HSPA12A: variants seen among roughly 807,000 people sequenced by gnomAD.
HSPA12A encodes the protein heat shock protein family A (Hsp70) member 12A, also known as heat shock 70 kDa protein 12A.
A neutral mutation model predicts 69.2 loss-of-function variants in HSPA12A; 28 were observed. The ratio of observed to expected loss-of-function variants is 0.40; its 90% CI spans 0.30 to 0.55. The LOEUF (loss-of-function observed/expected upper bound fraction) is 0.55. Among genes scored for constraint, HSPA12A ranks in the 20% least tolerant of loss-of-function variants. The pLI is 0.38. For synonymous variants in HSPA12A, 345 were observed against 370.5 expected (o/e 0.93, Z 0.79); for missense variants, 686 against 900.7 (o/e 0.76, Z 3.05).
intron 5 of HSPA12A, among the ~76,000 whole-genome samples, chr10:116,693,791 G>A (rs782064819): frequency 3.4e-4 from 52 of 151,978 alleles, no homozygotes; most frequent in African/African-American, 1.1e-3. Context: ...TAATAAAAAT[G>A]TTTCATGGTA....
rs73387112 is a variant in HSPA12A at position 116,740,387 on chromosome 10, T to C, written c.40+2043A>G. 3.9e-3 allele frequency among the ~76,000 whole-genome samples: 592 copies of C among 152,302 alleles called. 7 individuals are homozygous for C. The highest frequency in any genetic ancestry group is 0.014 in the African/African-American group (565 of 41,552). ...CCAACTCTGCTCCTATGCAATACTA[T>C]TCACATCCTCCATTTTACAGATAAA... On this transcript the variant is annotated intron_variant, in intron 1 of 11. Coordinates refer to ENST00000369209, the MANE Select transcript of HSPA12A (RefSeq NM_025015.3).
At chr10:116,691,730 C>G (rs1849743478) in intron 6 of HSPA12A, among the ~76,000 whole-genome samples, 1 of 152,238 alleles carries the variant, frequency 6.6e-6, no homozygotes, top group South Asian at 2.1e-4. Flanking sequence ...GATGGGCTGG[C>G]CACTGGCACT....
chr10:116,787,013 C>CACAT (rs1844593005), intron 2 of HSPA12A, among the ~76,000 whole-genome samples: 1 of 151,664 alleles, frequency 6.6e-6, no homozygotes, highest in Non-Finnish European at 1.5e-5. Flanking sequence ...CACACATACA[C>CACAT]ACACGCACGC....
At chr10:116,771,733 C>A (rs1013619419) in intron 2 of HSPA12A, among the ~76,000 whole-genome samples, 3 of 152,276 alleles carry the variant, frequency 2.0e-5, no homozygotes, top group Admixed American at 2.0e-4. Context: ...GTTTCTCTCC[C>A]AAACAAGGGG....
At position 116,695,807 on chromosome 10, in the gene HSPA12A, G is replaced by A. The variant is rs532770945; in HGVS notation, c.546+2828C>T. On this transcript the variant is annotated intron_variant, in intron 5 of 11. Coordinates refer to ENST00000369209, the MANE Select transcript of HSPA12A (RefSeq NM_025015.3). Reference sequence around the variant, plus strand: ...CTCCAGCCTGGCTGGGCAACAGAGCGAGACTCCGTCTCAAAACAAAAACAA... The same window carrying A: ...CTCCAGCCTGGCTGGGCAACAGAGCAAGACTCCGTCTCAAAACAAAAACAA... 1.6e-3 allele frequency among the ~76,000 whole-genome samples: 241 copies of A among 149,022 alleles called. 1 individual carries two copies. Among genetic ancestry groups the A allele is most frequent in the African/African-American group, 5.7e-3 (230 of 40,128 alleles).
At chr10:116,809,372 C>G (rs4752013) in intron 2 of HSPA12A, among the ~76,000 whole-genome samples, 94,437 of 152,084 alleles carry the variant, frequency 0.62, 29,759 homozygotes, top group East Asian at 0.86. Context: ...CGGAGTCAGA[C>G]ACACCTGGAT....
chr10:116,694,213 G>A (rs58116534), intron 5 of HSPA12A, among the ~76,000 whole-genome samples: 5,141 of 152,180 alleles, frequency 0.034, 300 homozygotes, highest in African/African-American at 0.12. Context: ...GCACTGTCAC[G>A]GGCTTTCCTT....
In HSPA12A at chr10:116,678,615, A is replaced by G. The variant is rs1589619626; in HGVS notation, c.1286+888T>C. Among the ~76,000 whole-genome samples the G allele has an allele frequency of 2.6e-5, 4 of 151,864 alleles. No individual in the cohort carries two copies. In the South Asian group the frequency reaches 8.3e-4, roughly 31 times the overall value. ...AAAAAAAAAAAAAAGACAAATGGAA[A>G]AATGTTAATGTTAATTAGATACTTG... On this transcript the variant is annotated intron_variant, in intron 10 of 11. Coordinates refer to ENST00000369209, the MANE Select transcript of HSPA12A (RefSeq NM_025015.3).
intron 1 of HSPA12A, among the ~76,000 whole-genome samples, chr10:116,738,698 A>G (rs1041847202): frequency 6.6e-6 from 1 of 152,162 alleles, no homozygotes; most frequent in African/African-American, 2.4e-5. Context: ...ACACAGGCAG[A>G]TCTCATCCCG....
At chr10:116,796,278 T>C (rs1844825245) in intron 2 of HSPA12A, among the ~76,000 whole-genome samples, 1 of 152,120 alleles carries the variant, frequency 6.6e-6, no homozygotes, top group Admixed American at 6.5e-5. Flanking sequence ...CGTTAGCTGT[T>C]ATAATAATAA....
intron 2 of HSPA12A, among the ~76,000 whole-genome samples, chr10:116,776,251 C>T (rs75833838): frequency 0.01 from 1,562 of 152,276 alleles, 31 homozygotes; most frequent in African/African-American, 0.036. Flanking sequence ...CAGGTCCGTC[C>T]GCCTGGACGC....
intron 9 of HSPA12A, 126 bp from the exon 10 acceptor site, chr10:116,679,887 T>TAAGTAAACAC: frequency 1.1e-6 from 1 of 914,662 alleles, no homozygotes; most frequent in Non-Finnish European, 1.7e-6. Context: ...GCTATAAGTG[T>TAAGTAAACAC]TTACTTACAC....
intron 2 of HSPA12A, chr10:116,751,037 G>GA (rs1851766849): frequency 6.5e-6 from 1 of 154,310 alleles, no homozygotes; most frequent in Non-Finnish European, 1.4e-5. Context: ...AGAAGAAGGA[G>GA]GAGAAGAAAA....
chr10:116,817,326 C>T (rs1228245044), intron 2 of HSPA12A, among the ~76,000 whole-genome samples: 2 of 152,050 alleles, frequency 1.3e-5, no homozygotes, highest in African/African-American at 2.4e-5. Context: ...GCTACAAAGT[C>T]GGCTTAATTA....
At chr10:116,720,262 C>A (rs1316507155) in intron 1 of HSPA12A, among the ~76,000 whole-genome samples, 2 of 152,192 alleles carry the variant, frequency 1.3e-5, no homozygotes, top group African/African-American at 4.8e-5. Context: ...CTGGGCACCG[C>A]CCCCTCCCTC....
At position 116,839,604 on chromosome 10, in the gene HSPA12A, T is replaced by TAAAA. The variant is rs59427633; in HGVS notation, c.4-4586_4-4583dup. Among the ~76,000 whole-genome samples the TAAAA allele has an allele frequency of 1.2e-3, 70 of 59,124 alleles. 3 individuals carry two copies. Among genetic ancestry groups the TAAAA allele is most frequent in the African/African-American group, 3.7e-3 (61 of 16,510 alleles). The allele number at this position is 59,124 out of a possible 152,430, so 38.8% of individuals were successfully genotyped here. On this transcript the variant is annotated intron_variant, in intron 1 of 12. Coordinates refer to the HSPA12A transcript ENST00000635765. ...CAAAGGACTTCGTAGATGCCTACCG[T>TAAAA]AAAAAAAAAAAAAAAAAAAAAAAAA...
chr10:116,685,375 C>A (rs2132920381), intron 6 of HSPA12A, among the ~76,000 whole-genome samples: 1 of 152,094 alleles, frequency 6.6e-6, no homozygotes, highest in South Asian at 2.1e-4. Flanking sequence ...TGGCTCACAC[C>A]TATAATCCCA....
intron 5 of HSPA12A, among the ~76,000 whole-genome samples, chr10:116,693,241 C>T (rs919558661): frequency 2.0e-5 from 3 of 152,126 alleles, no homozygotes; most frequent in Non-Finnish European, 4.4e-5. Flanking sequence ...AATGATATGA[C>T]CTCATCAAGA....
intron 1 of HSPA12A, among the ~76,000 whole-genome samples, chr10:116,839,604 TAAAAAAAAAAAA>T (rs59427633): frequency 1.7e-5 from 1 of 59,134 alleles, no homozygotes; most frequent in Non-Finnish European, 3.2e-5. Flanking sequence ...ATGCCTACCG[TAAAAAAAAAAAA>T]AAAAAAAAAA....
Sources: allele counts gnomAD v4.1 joint callset (sites outside exome capture counted in the v4.1 genomes callset), GRCh38; gene constraint gnomAD v4.1.1; transcripts MANE v1.5; gene names NCBI Gene and HGNC (gene_info 2026-07-23, HGNC 2026-07-21).